KIAA0825: variants seen among roughly 807,000 people sequenced by gnomAD.
KIAA0825 encodes the protein uncharacterized protein KIAA0825.
In KIAA0825, 119 loss-of-function variants were observed where a neutral mutation model predicts 147.6. The ratio of observed to expected loss-of-function variants is 0.81; its 90% CI spans 0.69 to 0.94. The LOEUF (loss-of-function observed/expected upper bound fraction) is 0.94, where lower values mean the gene tolerates loss of function less well. Ranked by LOEUF, KIAA0825 falls within the 40% of genes least tolerant of loss-of-function variation. KIAA0825 has a pLI of 0.00. For synonymous variants in KIAA0825, 470 were observed against 518.1 expected (o/e 0.91, Z 1.26); for missense variants, 1,381 against 1,472.7 (o/e 0.94, Z 1.02).
intron 20 of KIAA0825, among the ~76,000 whole-genome samples, chr5:94,270,316 T>C (rs957953879): frequency 6.6e-6 from 1 of 152,018 alleles, no homozygotes; most frequent in African/African-American, 2.4e-5. Context: ...TCATTTTCAA[T>C]AAAAGTGCTA....
At chr5:94,338,851 T>C (rs1388431140) in intron 20 of KIAA0825, among the ~76,000 whole-genome samples, 1 of 152,154 alleles carries the variant, frequency 6.6e-6, no homozygotes. Context: ...AAAAATCCAA[T>C]AGATTTATTA....
chr5:94,379,253 TTTAA>T (rs2150500567), intron 20 of KIAA0825, among the ~76,000 whole-genome samples: 1 of 152,386 alleles, frequency 6.6e-6, no homozygotes, highest in African/African-American at 2.4e-5. Context: ...CATTTAAGTC[TTTAA>T]TTAATCTTGA....
chr5:94,591,002 G>A (rs1418384914), intron 1 of KIAA0825, among the ~76,000 whole-genome samples: 1 of 152,190 alleles, frequency 6.6e-6, no homozygotes, highest in Non-Finnish European at 1.5e-5. Flanking sequence ...TTAAAATTAT[G>A]TGAACAAAAT....
chr5:94,405,739 G>A (rs1180576800), intron 15 of KIAA0825, among the ~76,000 whole-genome samples: 1 of 152,056 alleles, frequency 6.6e-6, no homozygotes, highest in East Asian at 1.9e-4. Flanking sequence ...GTACGGCAAC[G>A]ATGTATTCTC....
Position 94,470,063 on chromosome 5 carries a change from A to C in KIAA0825, c.1770T>G (p.Thr590=). 3.9e-6 allele frequency: 6 copies of C among 1,551,586 alleles called. No individual in the cohort carries two copies. The highest frequency in any genetic ancestry group is 5.2e-6 in the Non-Finnish European group (6 of 1,146,912). The change falls in exon 10 of 21, where the codon ACT becomes ACG. Residue 590 remains threonine, a synonymous_variant. Coordinates refer to ENST00000682413, the MANE Select transcript of KIAA0825 (RefSeq NM_001145678.3). ...LVQRYQEFIN[T]LQFQVTNYCV... ...AGTAGTTCGTAACCTGAAACTGTAG[A>C]GTGTTGATGAATTCCTGATATCGTT...
intron 20 of KIAA0825, among the ~76,000 whole-genome samples, chr5:94,157,751 C>T (rs1011801139): frequency 5.9e-5 from 9 of 152,300 alleles, no homozygotes; most frequent in Admixed American, 4.6e-4. Flanking sequence ...CAGTGAATAA[C>T]TATTCTAGTG....
At chr5:94,237,996 C>T (rs1775146543) in intron 20 of KIAA0825, among the ~76,000 whole-genome samples, 1 of 152,102 alleles carries the variant, frequency 6.6e-6, no homozygotes, top group Non-Finnish European at 1.5e-5. Context: ...TGAAATTCAT[C>T]AAATGGCACA....
chr5:94,325,068 A>G (rs556413236), intron 20 of KIAA0825, among the ~76,000 whole-genome samples: 5 of 152,168 alleles, frequency 3.3e-5, no homozygotes, highest in African/African-American at 1.2e-4. Flanking sequence ...CACCATTAAC[A>G]TTTAGAGATG....
At chr5:94,400,599 A>G (rs940813547) in intron 16 of KIAA0825, among the ~76,000 whole-genome samples, 1 of 152,186 alleles carries the variant, frequency 6.6e-6, no homozygotes, top group Non-Finnish European at 1.5e-5. Flanking sequence ...TATTTTCATT[A>G]AAAAAGTAAT....
chr5:94,466,234 A>G (rs1452453567), intron 10 of KIAA0825, among the ~76,000 whole-genome samples: 1 of 151,988 alleles, frequency 6.6e-6, no homozygotes, highest in Non-Finnish European at 1.5e-5. Flanking sequence ...AGTTTATTTG[A>G]TTACTAATAT....
intron 20 of KIAA0825, among the ~76,000 whole-genome samples, chr5:94,362,674 C>CT (rs1303553106): frequency 6.9e-6 from 1 of 144,348 alleles, no homozygotes; most frequent in African/African-American, 2.4e-5. Context: ...ATTTTTTAGT[C>CT]TATCTCCTCC....
At chr5:94,354,236 A>T (rs1784010059) in intron 20 of KIAA0825, among the ~76,000 whole-genome samples, 1 of 152,198 alleles carries the variant, frequency 6.6e-6, no homozygotes, top group South Asian at 2.1e-4. Context: ...GAGTTTGCTC[A>T]ATTTTATTTA....
At chr5:94,397,001 A>G (rs1012520374) in intron 16 of KIAA0825, among the ~76,000 whole-genome samples, 4 of 151,130 alleles carry the variant, frequency 2.6e-5, no homozygotes, top group African/African-American at 9.7e-5. Flanking sequence ...ATCTCATCTC[A>G]TCATCTCATC....
At chr5:94,503,024 G>A (rs1237762615) in intron 5 of KIAA0825, among the ~76,000 whole-genome samples, 4 of 150,362 alleles carry the variant, frequency 2.7e-5, no homozygotes, top group East Asian at 2.0e-4. Context: ...GAGAAGAATC[G>A]ATTGAACGCA....
intron 14 of KIAA0825, among the ~76,000 whole-genome samples, chr5:94,425,077 C>A (rs538939203): frequency 6.6e-6 from 1 of 152,270 alleles, no homozygotes; most frequent in Admixed American, 6.5e-5. Context: ...AACACCAGTT[C>A]TCCTCAAACT....
At chr5:94,474,523 G>A (rs1253983900) in intron 7 of KIAA0825, among the ~76,000 whole-genome samples, 1 of 151,914 alleles carries the variant, frequency 6.6e-6, no homozygotes, top group East Asian at 1.9e-4. Flanking sequence ...GATTTCTATG[G>A]TCCCTTTTAT....
At chr5:94,602,155 C>T (rs771946989) in intron 1 of KIAA0825, among the ~76,000 whole-genome samples, 7 of 152,066 alleles carry the variant, frequency 4.6e-5, no homozygotes, top group Non-Finnish European at 8.8e-5. Context: ...CAAGACTATC[C>T]TGGCTAACAT....
At chr5:94,154,690 A>G (rs1227923488) in intron 20 of KIAA0825, among the ~76,000 whole-genome samples, 1 of 152,214 alleles carries the variant, frequency 6.6e-6, no homozygotes, top group Non-Finnish European at 1.5e-5. Context: ...AACATTTACT[A>G]AAAAAAGAGA....
chr5:94,365,375 C>T (rs113396021), intron 20 of KIAA0825, among the ~76,000 whole-genome samples: 19 of 152,138 alleles, frequency 1.2e-4, no homozygotes, highest in East Asian at 1.9e-4. Context: ...ATCCTGGCCA[C>T]GAAATGATAA....
Sources: allele counts gnomAD v4.1 joint callset (sites outside exome capture counted in the v4.1 genomes callset), GRCh38; gene constraint gnomAD v4.1.1; transcripts MANE v1.5; gene names NCBI Gene and HGNC (gene_info 2026-07-23, HGNC 2026-07-21).